The following G3BP1 variants were observed in gnomAD, a reference collection of about 807,000 sequenced individuals.
G3BP1 encodes the protein G3BP stress granule assembly factor 1, also known as ras GTPase-activating protein-binding protein 1.
Under a neutral mutation model 58.6 loss-of-function variants are expected in G3BP1, and 35 were observed. The observed-to-expected ratio is 0.60, with a 90% CI of 0.46 to 0.79. The LOEUF (loss-of-function observed/expected upper bound fraction) is 0.79, where lower values mean the gene tolerates loss of function less well. Ranked by LOEUF, G3BP1 falls within the 30% of genes least tolerant of loss-of-function variation. The pLI is 0.00. For missense variants in G3BP1, 523 were observed against 580.8 expected, an observed-to-expected ratio of 0.90 and a Z score of 1.02; for synonymous variants, 191 against 195.4, an observed-to-expected ratio of 0.98 and a Z score of 0.19.
intron 7 of G3BP1, among the ~76,000 whole-genome samples, 173 bp downstream of exon 7, chr5:151,797,601 T>C (rs1762776932): frequency 1.3e-5 from 2 of 152,186 alleles, no homozygotes; most frequent in Non-Finnish European, 2.9e-5. Context: ...AGAGGTAAGA[T>C]GTGTATTAGT....
intron 1 of G3BP1, among the ~76,000 whole-genome samples, chr5:151,783,862 A>C (rs533845975): frequency 6.6e-6 from 1 of 152,180 alleles, no homozygotes; most frequent in African/African-American, 2.4e-5. Flanking sequence ...TCCCGGGTTC[A>C]AGCAGTTCTC....
chr5:151,783,056 G>A (rs148051802), intron 1 of G3BP1, among the ~76,000 whole-genome samples: 3,837 of 151,500 alleles, frequency 0.025, 67 homozygotes, highest in South Asian at 0.073. Context: ...GCGGGGTTTC[G>A]CCATGTTGGT....
intron 4 of G3BP1, 55 bp downstream of exon 4, chr5:151,791,117 T>C (rs776007206): frequency 6.5e-6 from 9 of 1,381,614 alleles, no homozygotes; most frequent in Non-Finnish European, 9.3e-6. Flanking sequence ...AAAGAAACAA[T>C]GAACTGTTGT....
chr5:151,805,356 CT>C lies in G3BP1; in HGVS notation c.*1266del, dbSNP rs1460148897. ...AAATATTTCTGGAAGAAAATTTAAT[CT>C]GGCAATATAGACTAATACTCGTTTC... On this transcript the variant is annotated 3_prime_UTR_variant, in exon 12 of 12. Transcript: ENST00000356245. 2 of 152,398 alleles carry C rather than the reference CT, an allele frequency of 1.3e-5. No homozygotes were observed. Among genetic ancestry groups the C allele is most frequent in the African/African-American group, 4.8e-5 (2 of 41,354 alleles). 9.4% of individuals were successfully genotyped at this position (152,398 alleles called of 1,614,324 possible). A position where few individuals can be genotyped will look rare whatever the true frequency, so the allele number is the denominator to read the frequency against.
At position 151,784,803 on chromosome 5, in the gene G3BP1, A is replaced by G. The variant is rs959480558; in HGVS notation, c.-49-1769A>G. Among the ~76,000 whole-genome samples the G allele has an allele frequency of 4.5e-4, 68 of 152,252 alleles. 1 individual carries two copies. Among genetic ancestry groups the G allele is most frequent in the Admixed American group, 3.9e-3 (60 of 15,300 alleles). Reference sequence around the variant, plus strand: ...TTTGGTGGATATTTATTATCAATAGATAATATATTTATTTACATTAAAGGA... The same window carrying G: ...TTTGGTGGATATTTATTATCAATAGGTAATATATTTATTTACATTAAAGGA... On this transcript the variant is annotated intron_variant, in intron 1 of 11. Transcript: ENST00000356245.
In G3BP1 at chr5:151,799,269, G is replaced by C. The variant is rs751991200; in HGVS notation, c.799G>C (p.Val267Leu). The change falls in exon 8 of 12, where the codon GTT (valine) becomes CTT (leucine). Residue 267 changes from valine to leucine, a missense_variant. Physicochemically the swap from Val to Leu is conservative, Grantham distance 32. Coordinates refer to ENST00000356245, the MANE Select transcript of G3BP1 (RefSeq NM_005754.3). Reference sequence around the variant, plus strand: ...TCTTCCACCCAGTGGAGCTGTTCCAGTTACTGGGATACCACCTCATGTTGT... The same window carrying C: ...TCTTCCACCCAGTGGAGCTGTTCCACTTACTGGGATACCACCTCATGTTGT... ...KNLPPSGAVP[V>L]TGIPPHVVKV... 1 of 1,606,036 alleles carries C rather than the reference G, an allele frequency of 6.2e-7. No individual in the cohort carries two copies. Among genetic ancestry groups the C allele is most frequent in the Non-Finnish European group, 8.5e-7 (1 of 1,172,610 alleles).
chr5:151,794,329 C>G (rs1249954654), intron 5 of G3BP1, 80 bp downstream of exon 5: 11 of 765,478 alleles, frequency 1.4e-5, no homozygotes, highest in Non-Finnish European at 2.3e-5. Context: ...CTATGGGTTT[C>G]TTTACTGTTT....
chr5:151,775,539 A>G lies in G3BP1; in HGVS notation c.-50+3503A>G, dbSNP rs74830477. On this transcript the variant is annotated intron_variant, in intron 1 of 11. Transcript: ENST00000356245. ...TAGAGGGATTTTGAATCTGGAATGT[A>G]TGAATGTGACACCTGCCTGCCCTTG... 1.8e-4 allele frequency among the ~76,000 whole-genome samples: 28 copies of G among 152,358 alleles called. No homozygotes were observed. The East Asian group carries it at 3.5e-3, about 19-fold the overall frequency.
chr5:151,803,105 C>T lies in G3BP1; in HGVS notation c.1195-780C>T, dbSNP rs1047426766. ...CTACTTTGGCTCTGTTAGGAGGAAA[C>T]GAAGGCCAAGACTATCCAAAATTCT... On this transcript the variant is annotated intron_variant, in intron 11 of 11. Transcript: ENST00000356245. 7.9e-5 allele frequency among the ~76,000 whole-genome samples: 12 copies of T among 152,248 alleles called. No homozygotes were observed. The South Asian group carries it at 1.7e-3, about 21-fold the overall frequency.
intron 11 of G3BP1, among the ~76,000 whole-genome samples, chr5:151,802,246 G>A (rs1460556751): frequency 6.6e-6 from 1 of 152,192 alleles, no homozygotes; most frequent in Non-Finnish European, 1.5e-5. Context: ...AGAAATGAGA[G>A]AACAGTGGTT....
chr5:151,797,483 GT>G, intron 7 of G3BP1, 55 bp downstream of exon 7: 1 of 1,533,440 alleles, frequency 6.5e-7, no homozygotes, highest in Non-Finnish European at 8.8e-7. Flanking sequence ...TTTAAAAAAA[GT>G]TTCTGTTCTT....
At chr5:151,783,558 T>G (rs1201799163) in intron 1 of G3BP1, among the ~76,000 whole-genome samples, 1 of 151,666 alleles carries the variant, frequency 6.6e-6, no homozygotes, top group Non-Finnish European at 1.5e-5. Flanking sequence ...CCTGGCTAAT[T>G]TTTTGTATTT....
intron 7 of G3BP1, among the ~76,000 whole-genome samples, chr5:151,797,872 G>C (rs1356323046): frequency 6.6e-6 from 1 of 152,216 alleles, no homozygotes; most frequent in African/African-American, 2.4e-5. Context: ...AACTGCTGAA[G>C]TAAAACTTCT....
At chr5:151,803,830 A>C (rs899708365) in intron 11 of G3BP1, 55 bp from the exon 12 acceptor site, 1 of 1,167,484 alleles carries the variant, frequency 8.6e-7, no homozygotes, top group African/African-American at 1.5e-5. Flanking sequence ...TTTATCTTTG[A>C]TAGTGATAGC....
intron 1 of G3BP1, among the ~76,000 whole-genome samples, chr5:151,781,529 G>A (rs78011914): frequency 0.011 from 1,724 of 152,234 alleles, 29 homozygotes; most frequent in African/African-American, 0.032. Flanking sequence ...TGAAAGCCTT[G>A]AATAACACCA....
intron 3 of G3BP1, among the ~76,000 whole-genome samples, 173 bp from the exon 4 acceptor site, chr5:151,790,716 G>A (rs1039217728): frequency 5.9e-5 from 9 of 152,188 alleles, no homozygotes; most frequent in Admixed American, 1.3e-4. Context: ...AAACTCAAGC[G>A]CGGTCACTGG....
At position 151,809,569 on chromosome 5, in the gene G3BP1, C is replaced by T. The variant is rs1186542871; in HGVS notation, c.*5478C>T. 6.6e-6 allele frequency: 1 copy of T among 152,080 alleles called. No individual in the cohort carries two copies. Among genetic ancestry groups the T allele is most frequent in the African/African-American group, 2.4e-5 (1 of 41,392 alleles). 9.4% of individuals were successfully genotyped at this position (152,080 alleles called of 1,614,324 possible). A position where few individuals can be genotyped will look rare whatever the true frequency, so the allele number is the denominator to read the frequency against. On this transcript the variant is annotated 3_prime_UTR_variant, in exon 12 of 12. Coordinates refer to ENST00000356245, the MANE Select transcript of G3BP1 (RefSeq NM_005754.3). ...CTATTTTGGTTATTACCAAAAGGAA[C>T]AGAGAAACTCTCAGAATTCTTTGAA...
intron 2 of G3BP1, among the ~76,000 whole-genome samples, chr5:151,788,034 C>G (rs1002694760): frequency 1.3e-5 from 2 of 151,872 alleles, no homozygotes; most frequent in Non-Finnish European, 2.9e-5. Context: ...AGACGATCCT[C>G]CCACCTCAGC....
In G3BP1 at chr5:151,806,675, C is replaced by T. The variant is rs1358221110; in HGVS notation, c.*2584C>T. Reference sequence around the variant, plus strand: ...GGGCAACATTTTCTATAGGTGGCAGCAGTAGGAGCTCATCACATTGAACAT... The same window carrying T: ...GGGCAACATTTTCTATAGGTGGCAGTAGTAGGAGCTCATCACATTGAACAT... On this transcript the variant is annotated 3_prime_UTR_variant, in exon 12 of 12. Coordinates refer to ENST00000356245, the MANE Select transcript of G3BP1 (RefSeq NM_005754.3). 6.6e-6 allele frequency: 1 copy of T among 152,148 alleles called. No individual in the cohort carries two copies. Among genetic ancestry groups the T allele is most frequent in the Non-Finnish European group, 1.5e-5 (1 of 68,030 alleles). 9.4% of individuals were successfully genotyped at this position (152,148 alleles called of 1,614,324 possible). A position where few individuals can be genotyped will look rare whatever the true frequency, so the allele number is the denominator to read the frequency against.
Sources: gnomAD v4.1 joint callset for allele counts (sites outside exome capture counted in the v4.1 genomes callset) on GRCh38, gnomAD v4.1.1 for gene constraint, MANE v1.5 for transcripts, NCBI Gene and HGNC (gene_info 2026-07-23, HGNC 2026-07-21) for gene names.